ECPAS: variants seen among roughly 807,000 people sequenced by gnomAD.
ECPAS encodes proteasome adapter and scaffold protein ECM29.
ECPAS carries 70 observed loss-of-function variants against 255.1 expected under a neutral mutation model. The ratio of observed to expected loss-of-function variants is 0.27; its 90% CI spans 0.23 to 0.33. ECPAS has a LOEUF of 0.33. Ranked by LOEUF, ECPAS falls within the 10% of genes least tolerant of loss-of-function variation. ECPAS has a pLI of 1.00. For synonymous variants in ECPAS, 784 were observed against 775.0 expected (o/e 1.01, Z -0.19); for missense variants, 1,817 against 2,206.4 (o/e 0.82, Z 3.54).
intron 17 of ECPAS, 28 bp downstream of exon 17, chr9:111,417,855 A>C: frequency 6.5e-7 from 1 of 1,529,214 alleles, no homozygotes; most frequent in Non-Finnish European, 8.8e-7. Flanking sequence ...TATGATTTAG[A>C]CTAATTACCT....
At chr9:111,414,709 G>C in intron 18 of ECPAS, 58 bp from the exon 19 acceptor site, 2 of 1,423,756 alleles carry the variant, frequency 1.4e-6, no homozygotes, top group Non-Finnish European at 1.9e-6. Context: ...AGTGTGGGAA[G>C]GTACTCTTCA....
At chr9:111,421,746 C>T (rs532230357) in intron 15 of ECPAS, among the ~76,000 whole-genome samples, 175 bp downstream of exon 15, 1 of 152,146 alleles carries the variant, frequency 6.6e-6, no homozygotes, top group African/African-American at 2.4e-5. Flanking sequence ...TGAATACTAC[C>T]ACTCCTTCTC....
At chr9:111,394,348 C>G (rs1252929435) in intron 25 of ECPAS, 43 bp from the exon 26 acceptor site, 6 of 1,451,580 alleles carry the variant, frequency 4.1e-6, no homozygotes, top group Non-Finnish European at 5.5e-6. Flanking sequence ...TAAAATAACT[C>G]AACATAGTTT....
intron 3 of ECPAS, among the ~76,000 whole-genome samples, chr9:111,445,268 T>A (rs2098251395): frequency 6.6e-6 from 1 of 152,094 alleles, no homozygotes; most frequent in Non-Finnish European, 1.5e-5. Context: ...GTGTTGGGAT[T>A]ACAGGCGTGA....
chr9:111,392,226 C>T (rs1395534275), intron 28 of ECPAS, among the ~76,000 whole-genome samples: 1 of 152,114 alleles, frequency 6.6e-6, no homozygotes. Context: ...GGCAACAGAG[C>T]AAGACTACAA....
In ECPAS at chr9:111,385,440, C is replaced by G. The variant is rs756756349; in HGVS notation, c.3530G>C (p.Cys1177Ser). Residue 1177 changes from cysteine to serine, a missense_variant and splice_region_variant, in exon 33 of 50, where the codon TGT becomes TCT. Physicochemically the swap from Cys to Ser is moderately radical, Grantham distance 112. This residue lies in a region of ECPAS where 960 missense variants were observed against 1,179.0 expected (regional missense o/e 0.81). Transcript: ENST00000684092. ...SNMWRVRESS[C>S]LALNDLLRGR... ...TCTCAATAAATCATTCAAAGCTAAA[C>G]AGCTGAAAATCAAAATTTCATTTCA... 6.6e-7 allele frequency: 1 copy of G among 1,521,868 alleles called. No homozygotes were observed. The highest frequency in any genetic ancestry group is 8.9e-7 in the Non-Finnish European group (1 of 1,120,564). The allele number at this position is 1,521,868 out of a possible 1,614,324, so 94.3% of individuals were successfully genotyped here.
chr9:111,365,386 C>A (rs1195802244), intron 48 of ECPAS, among the ~76,000 whole-genome samples: 3 of 151,786 alleles, frequency 2.0e-5, no homozygotes, highest in African/African-American at 7.3e-5. Flanking sequence ...ACATTACTGG[C>A]TGGGTGTGGT....
At chr9:111,425,069 C>T (rs374056809) in intron 12 of ECPAS, among the ~76,000 whole-genome samples, 1 of 151,976 alleles carries the variant, frequency 6.6e-6, no homozygotes, top group South Asian at 2.1e-4. Flanking sequence ...TGCCTGTAAT[C>T]CCAGCTACTC....
At chr9:111,366,122 G>C (rs1179735282) in intron 48 of ECPAS, 117 bp downstream of exon 48, 1 of 652,828 alleles carries the variant, frequency 1.5e-6, no homozygotes, top group Non-Finnish European at 2.7e-6. Context: ...ATAAGTAGCA[G>C]AGTCCAGTAG....
chr9:111,435,972 G>C (rs532300220), intron 7 of ECPAS, among the ~76,000 whole-genome samples: 2 of 148,780 alleles, frequency 1.3e-5, no homozygotes, highest in African/African-American at 4.9e-5. Flanking sequence ...ACAGGCATTA[G>C]CCACTGCGCC....
chr9:111,378,887 A>G (rs1397188286), intron 35 of ECPAS, among the ~76,000 whole-genome samples, 157 bp from the exon 36 acceptor site: 1 of 152,234 alleles, frequency 6.6e-6, no homozygotes, highest in Non-Finnish European at 1.5e-5. Flanking sequence ...AACTTTTATT[A>G]AAGAAACCTT....
In ECPAS at chr9:111,362,086, G is replaced by T. The variant is rs2098113989; in HGVS notation, c.5464C>A (p.Pro1822Thr). 1.9e-6 allele frequency: 3 copies of T among 1,611,016 alleles called. No individual in the cohort carries two copies. Among genetic ancestry groups the T allele is most frequent in the Middle Eastern group, 1.6e-4 (1 of 6,080 alleles). Residue 1822 changes from proline to threonine, a missense_variant, in exon 50 of 50, where the codon CCT becomes ACT. By Grantham distance (38) the Pro-to-Thr change is conservative. Transcript: ENST00000684092. Reference sequence around the variant, plus strand: ...AACGCTGCTTTCTCCTGCAGTTCAGGTCTGCTGTCTGGCTCCATAGTAGCT... The same window carrying T: ...AACGCTGCTTTCTCCTGCAGTTCAGTTCTGCTGTCTGGCTCCATAGTAGCT... ...SLATMEPDSRPELQEKAALLK... is the reference protein window; with the variant it reads ...SLATMEPDSRTELQEKAALLK...
intron 22 of ECPAS, 34 bp downstream of exon 22, chr9:111,410,946 G>C: frequency 6.4e-7 from 1 of 1,556,530 alleles, no homozygotes; most frequent in Non-Finnish European, 8.7e-7. Flanking sequence ...TTCAAAAACT[G>C]CAACACCCAA....
intron 24 of ECPAS, among the ~76,000 whole-genome samples, chr9:111,403,032 A>C (rs1354453260): frequency 6.6e-6 from 1 of 152,088 alleles, no homozygotes. Flanking sequence ...GAATAAGAAA[A>C]CAAGACCAAC....
At chr9:111,472,097 G>A (rs2098289077) in intron 2 of ECPAS, among the ~76,000 whole-genome samples, 1 of 151,908 alleles carries the variant, frequency 6.6e-6, no homozygotes, top group Non-Finnish European at 1.5e-5. Context: ...GGAAGACCCT[G>A]TGTCAAAAAA....
At chr9:111,470,746 C>CCACA (rs57091815) in intron 2 of ECPAS, among the ~76,000 whole-genome samples, 9,306 of 124,436 alleles carry the variant, frequency 0.075, 729 homozygotes, top group African/African-American at 0.2. Flanking sequence ...TCTCCTCCCG[C>CCACA]CACACACACA....
chr9:111,477,688 ACAGTAC>A (rs2098298155), intron 1 of ECPAS, among the ~76,000 whole-genome samples: 1 of 152,226 alleles, frequency 6.6e-6, no homozygotes, highest in African/African-American at 2.4e-5. Context: ...TACCCCTGAG[ACAGTAC>A]CAGTACCAAA....
At chr9:111,365,949 T>G in intron 48 of ECPAS, 1 of 393,040 alleles carries the variant, frequency 2.5e-6, no homozygotes, top group South Asian at 3.3e-5. Flanking sequence ...TATTGCAGAG[T>G]ATTACATGTA....
chr9:111,404,342 A>G (rs1476795662), intron 24 of ECPAS, among the ~76,000 whole-genome samples: 1 of 149,928 alleles, frequency 6.7e-6, no homozygotes, highest in African/African-American at 2.5e-5. Context: ...TTTAAAAGAT[A>G]AACAAAAAAA....
Sources: gnomAD v4.1 joint callset for allele counts (sites outside exome capture counted in the v4.1 genomes callset) on GRCh38, gnomAD v4.1.1 for gene constraint, gnomAD v4.1.1 regional missense constraint, MANE v1.5 for transcripts, NCBI Gene and HGNC (gene_info 2026-07-23, HGNC 2026-07-21) for gene names.